The following TLN2 variants were observed in gnomAD, a reference collection of about 807,000 sequenced individuals.
TLN2 encodes talin 2.
TLN2 carries 118 observed loss-of-function variants against 294.7 expected under a neutral mutation model. That is an observed-to-expected ratio of 0.40 (90% confidence interval 0.34 to 0.47). The LOEUF is 0.47. Among genes scored for constraint, TLN2 ranks in the 20% least tolerant of loss-of-function variants. The pLI, the probability that TLN2 is intolerant of heterozygous loss-of-function variation, is 0.84. For missense variants in TLN2, 3,083 were observed against 3,282.2 expected, an observed-to-expected ratio of 0.94 and a Z score of 1.48; for synonymous variants, 1,431 against 1,304.5, an observed-to-expected ratio of 1.10 and a Z score of -2.09.
Position 62,709,098 on chromosome 15 carries a change from G to A in TLN2, c.2467+302G>A, listed in dbSNP as rs570563802. Among the ~76,000 whole-genome samples, 11 of 152,310 alleles carry A rather than the reference G, an allele frequency of 7.2e-5. No individual in the cohort carries two copies. In the South Asian group the frequency reaches 2.3e-3, roughly 32 times the overall value. On this transcript the variant is annotated intron_variant, in intron 21 of 58. Coordinates refer to ENST00000636159, the MANE Select transcript of TLN2 (RefSeq NM_015059.3). ...GTGTTGGGTACGGTATGGCAAAGTTGGAGCAGCCACAGAAGGAAACAAGAT... is the reference window on the plus strand; with the variant it reads ...GTGTTGGGTACGGTATGGCAAAGTTAGAGCAGCCACAGAAGGAAACAAGAT...
In TLN2 at chr15:62,613,707, T is replaced by C. The variant is rs1298805755; in HGVS notation, c.-161-4644T>C. Among the ~76,000 whole-genome samples, 5 of 152,132 alleles carry C rather than the reference T, an allele frequency of 3.3e-5. No homozygotes were observed. The East Asian group carries it at 9.6e-4, about 29-fold the overall frequency. Reference sequence around the variant, plus strand: ...TAACCTCAAACTACACAAATGTCCATCCACATGTGGAAGGATCAAGAAATC... The same window carrying C: ...TAACCTCAAACTACACAAATGTCCACCCACATGTGGAAGGATCAAGAAATC... On this transcript the variant is annotated intron_variant, in intron 2 of 58. Transcript: ENST00000636159.
chr15:62,652,333 C>G, intron 6 of TLN2, among the ~76,000 whole-genome samples, 199 bp downstream of exon 6: 1 of 152,264 alleles, frequency 6.6e-6, no homozygotes, highest in East Asian at 1.9e-4. Context: ...TAAGTCACAA[C>G]GGAGGGCTTT....
At position 62,534,481 on chromosome 15, in the gene TLN2, G is replaced by A. The variant is rs987288389; in HGVS notation, c.-237-55206G>A. On this transcript the variant is annotated intron_variant, in intron 1 of 58. Transcript: ENST00000636159. ...TGAAGTATGGGAGAAGGAGCTTGGA[G>A]CGTCCATGCCCACTCCGGGTGGATG... is the stretch of plus-strand genomic sequence containing the variant. Among the ~76,000 whole-genome samples, 5 of 152,308 alleles carry A rather than the reference G, an allele frequency of 3.3e-5. No homozygotes were observed. In the East Asian group the frequency reaches 7.7e-4, roughly 24 times the overall value.
rs545014571 is a variant in TLN2, at chr15:62,842,157, A to C, written c.*1547A>C. 1.2e-4 allele frequency: 18 copies of C among 152,300 alleles called. No homozygotes were observed. Among genetic ancestry groups the C allele is most frequent in the African/African-American group, 4.3e-4 (18 of 41,560 alleles). The allele number at this position is 152,300 out of a possible 1,614,324, so 9.4% of individuals were successfully genotyped here. On this transcript the variant is annotated 3_prime_UTR_variant, in exon 59 of 59. Coordinates refer to ENST00000636159, the MANE Select transcript of TLN2 (RefSeq NM_015059.3). The stretch of plus-strand genomic sequence containing the variant: ...GTTTTAAAATACATAAACTTCTGAC[A>C]GCTTCCCATATTTATAAGTTACTTA...
intron 1 of TLN2, among the ~76,000 whole-genome samples, chr15:62,567,441 G>A (rs1596162794): frequency 6.6e-6 from 1 of 152,310 alleles, no homozygotes; most frequent in East Asian, 1.9e-4. Flanking sequence ...GTGTCATGAG[G>A]CACCTGGAGG....
chr15:62,829,946 CCATGTGGTTG>C (rs2068622938), intron 54 of TLN2: 1 of 152,190 alleles, frequency 6.6e-6, no homozygotes, highest in East Asian at 1.9e-4. Flanking sequence ...CCAGTTCTAG[CCATGTGGTTG>C]CAAATGGCAG....
chr15:62,569,166 A>G (rs922014577), intron 1 of TLN2, among the ~76,000 whole-genome samples: 1 of 152,114 alleles, frequency 6.6e-6, no homozygotes, highest in African/African-American at 2.4e-5. Context: ...GTCGCTTCTC[A>G]TTGGATTTAG....
At chr15:62,564,945 G>A (rs754542886) in intron 1 of TLN2, among the ~76,000 whole-genome samples, 82 of 124,744 alleles carry the variant, frequency 6.6e-4, no homozygotes, top group Non-Finnish European at 1.2e-3. Flanking sequence ...TATATATACT[G>A]CATTCCCCCC....
intron 3 of TLN2, among the ~76,000 whole-genome samples, chr15:62,642,402 C>T (rs2051222624): frequency 6.6e-6 from 1 of 152,240 alleles, no homozygotes; most frequent in Admixed American, 6.5e-5. Flanking sequence ...ACCTGATCAG[C>T]AATCCTAACC....
At chr15:62,629,610 ATAAGGCTAAG>A (rs2049597565) in intron 3 of TLN2, among the ~76,000 whole-genome samples, 1 of 152,234 alleles carries the variant, frequency 6.6e-6, no homozygotes, top group African/African-American at 2.4e-5. Flanking sequence ...GTAGGGCCGT[ATAAGGCTAAG>A]CCATGAGCCC....
chr15:62,565,958 C>G (rs2043359217), intron 1 of TLN2, among the ~76,000 whole-genome samples: 1 of 151,326 alleles, frequency 6.6e-6, no homozygotes, highest in African/African-American at 2.4e-5. Context: ...TCTTAAGCCT[C>G]AGTTTCTGCA....
chr15:62,743,244 C>T (rs1032762007), intron 32 of TLN2, among the ~76,000 whole-genome samples: 1 of 152,074 alleles, frequency 6.6e-6, no homozygotes, highest in Admixed American at 6.5e-5. Flanking sequence ...TCAGGTCCTG[C>T]CTGTCCTTCC....
At chr15:62,564,121 G>A (rs749619932) in intron 1 of TLN2, among the ~76,000 whole-genome samples, 4 of 152,172 alleles carry the variant, frequency 2.6e-5, no homozygotes, top group Non-Finnish European at 5.9e-5. Flanking sequence ...TCCTAATATA[G>A]TCAAAGTTTG....
rs183061675 is a variant in TLN2 at position 62,738,182 on chromosome 15, T to C, written c.3568-32T>C. On this transcript the variant is annotated intron_variant, in intron 29 of 58. Coordinates refer to ENST00000636159, the MANE Select transcript of TLN2 (RefSeq NM_015059.3). Reference sequence around the variant, plus strand: ...AACAAATGTGCAGAAATGTTTGTACTTAAAGGTGCTTCTCTCTCTCCACGA... The same window carrying C: ...AACAAATGTGCAGAAATGTTTGTACCTAAAGGTGCTTCTCTCTCTCCACGA... 6 of 1,611,502 alleles carry C rather than the reference T, an allele frequency of 3.7e-6. No homozygotes were observed. The African/African-American group carries it at 5.3e-5, about 14-fold the overall frequency.
chr15:62,536,332 G>C (rs1462832261), intron 1 of TLN2, among the ~76,000 whole-genome samples: 2 of 152,152 alleles, frequency 1.3e-5, no homozygotes, highest in Non-Finnish European at 2.9e-5. Flanking sequence ...CTCACTTCCA[G>C]GTTAGAGGTC....
chr15:62,666,733 C>T (rs1401570320), intron 9 of TLN2, among the ~76,000 whole-genome samples: 1 of 152,136 alleles, frequency 6.6e-6, no homozygotes, highest in Non-Finnish European at 1.5e-5. Context: ...CTCACTTAAC[C>T]AGAACTTCAG....
chr15:62,487,760 G>T lies in TLN2; in HGVS notation c.-238+97075G>T, dbSNP rs149979196. ...CTACTAAAAATACAAAAAATTAGCC[G>T]GGCATGGTGGCAGGCGCCTGTAGTC... On this transcript the variant is annotated intron_variant, in intron 1 of 58. Coordinates refer to ENST00000636159, the MANE Select transcript of TLN2 (RefSeq NM_015059.3). 5.8e-3 allele frequency among the ~76,000 whole-genome samples: 882 copies of T among 152,046 alleles called. 10 individuals are homozygous for T. Among genetic ancestry groups the T allele is most frequent in the African/African-American group, 0.02 (835 of 41,464 alleles).
chr15:62,600,556 C>T (rs1451491572), intron 2 of TLN2, among the ~76,000 whole-genome samples: 1 of 152,172 alleles, frequency 6.6e-6, no homozygotes, highest in Non-Finnish European at 1.5e-5. Flanking sequence ...AAGCCCAGGG[C>T]ACTATAAATT....
rs376426618 is a variant in TLN2, at chr15:62,835,684, C to T, written c.7129-53C>T. The stretch of plus-strand genomic sequence containing the variant: ...AGCAAGGTCTGGGGATGAGGGGCTG[C>T]GACCACTGGGGCTGCCTGCCCTCAT... On this transcript the variant is annotated intron_variant, in intron 55 of 58. Coordinates refer to ENST00000636159, the MANE Select transcript of TLN2 (RefSeq NM_015059.3). 4.0e-5 allele frequency: 64 copies of T among 1,599,184 alleles called. No homozygotes were observed. In the Middle Eastern group the frequency reaches 6.6e-4, roughly 17 times the overall value.
Sources: allele counts gnomAD v4.1 joint callset (sites outside exome capture counted in the v4.1 genomes callset), GRCh38; gene constraint gnomAD v4.1.1; transcripts MANE v1.5; gene names NCBI Gene and HGNC (gene_info 2026-07-23, HGNC 2026-07-21).